Variants in TRAK1 observed in about 807,000 individuals in gnomAD.
TRAK1 encodes the protein trafficking kinesin protein 1.
A neutral mutation model predicts 92.1 loss-of-function variants in TRAK1; 33 were observed. The observed-to-expected ratio is 0.36, with a 90% CI of 0.27 to 0.48. The LOEUF (loss-of-function observed/expected upper bound fraction) is 0.48. TRAK1 is among the 20% of genes least tolerant of loss of function. TRAK1 has a pLI of 0.99. For synonymous variants in TRAK1, 521 were observed against 517.3 expected (o/e 1.01, Z -0.10); for missense variants, 1,123 against 1,257.9 (o/e 0.89, Z 1.62).
chr3:42,037,427 A>G (rs1405357754), intron 1 of TRAK1, among the ~76,000 whole-genome samples: 1 of 152,152 alleles, frequency 6.6e-6, no homozygotes, highest in Admixed American at 6.6e-5. Context: ...GATGTTCAGG[A>G]CCTAGAGAGG....
intron 14 of TRAK1, chr3:42,218,479 C>T (rs1355987726): frequency 1.0e-6 from 1 of 984,736 alleles, no homozygotes; most frequent in Non-Finnish European, 1.2e-6. Flanking sequence ...CATCCCGGCA[C>T]TTCATCGTGC....
intron 1 of TRAK1, among the ~76,000 whole-genome samples, chr3:42,108,175 A>G (rs985041649): frequency 5.3e-5 from 8 of 152,046 alleles, no homozygotes; most frequent in Admixed American, 1.3e-4. Context: ...TGTGTCTACC[A>G]TGTCTCCTTG....
At chr3:42,109,574 G>A (rs888867695) in intron 1 of TRAK1, among the ~76,000 whole-genome samples, 61 of 152,300 alleles carry the variant, frequency 4.0e-4, no homozygotes, top group African/African-American at 1.4e-3. Context: ...ATCGCTTTGA[G>A]TGTGCAAAAT....
intron 14 of TRAK1, among the ~76,000 whole-genome samples, chr3:42,215,833 G>A (rs2149528774): frequency 6.6e-6 from 1 of 152,306 alleles, no homozygotes. Context: ...AGGCTTCCTT[G>A]GAAGCAGCTG....
In TRAK1 at chr3:42,202,376, G is replaced by T. The variant is rs73831717; in HGVS notation, c.1428-60G>T. On this transcript the variant is annotated intron_variant, in intron 12 of 15. Transcript: ENST00000327628. The surrounding 1 kb of genome is among the most constrained non-coding windows in gnomAD (Gnocchi z 6.1). ...TCCACCGCTGTGCATTGAGCAGTCGGGCCTCTGTGGCCTTGGAGCCCTGCT... is the reference window on the plus strand; with the variant it reads ...TCCACCGCTGTGCATTGAGCAGTCGTGCCTCTGTGGCCTTGGAGCCCTGCT... 1.3e-5 allele frequency: 18 copies of T among 1,435,086 alleles called. No homozygotes were observed. The highest frequency in any genetic ancestry group is 1.7e-5 in the Non-Finnish European group (18 of 1,087,420). 88.9% of individuals were successfully genotyped at this position (1,435,086 alleles called of 1,614,324 possible). A position where few individuals can be genotyped will look rare whatever the true frequency, so the allele number is the denominator to read the frequency against.
At chr3:42,098,692 C>T (rs1706296147) in intron 1 of TRAK1, among the ~76,000 whole-genome samples, 1 of 152,154 alleles carries the variant, frequency 6.6e-6, no homozygotes, top group Non-Finnish European at 1.5e-5. Flanking sequence ...CTGGTCCAGG[C>T]TCACTTCCTA....
chr3:42,063,734 T>G (rs192265271), intron 1 of TRAK1, among the ~76,000 whole-genome samples: 1 of 151,458 alleles, frequency 6.6e-6, no homozygotes, highest in Non-Finnish European at 1.5e-5. Context: ...AAAAAGCATA[T>G]GTGCCGGGGC....
intron 2 of TRAK1, among the ~76,000 whole-genome samples, chr3:42,143,865 G>T (rs1006888886): frequency 6.6e-6 from 1 of 152,170 alleles, no homozygotes; most frequent in Non-Finnish European, 1.5e-5. Flanking sequence ...CAGAGCTATG[G>T]ACAGATTACT....
intron 13 of TRAK1, chr3:42,203,436 T>C: frequency 4.1e-6 from 4 of 984,918 alleles, no homozygotes; most frequent in Non-Finnish European, 4.8e-6. Flanking sequence ...GCATCTCAGA[T>C]GATTAAACTC....
chr3:42,123,147 T>C (rs950119537), intron 1 of TRAK1, among the ~76,000 whole-genome samples: 2 of 152,184 alleles, frequency 1.3e-5, no homozygotes, highest in Non-Finnish European at 2.9e-5. Flanking sequence ...CTCAGTGGGC[T>C]CCTGCCCAAA....
chr3:42,068,566 G>T (rs942153773), intron 1 of TRAK1, among the ~76,000 whole-genome samples: 1 of 152,182 alleles, frequency 6.6e-6, no homozygotes, highest in Non-Finnish European at 1.5e-5. Flanking sequence ...GAGTTTTACC[G>T]TGTTCCAGGC....
chr3:42,060,713 C>T (rs1443510111), intron 1 of TRAK1, among the ~76,000 whole-genome samples: 2 of 151,222 alleles, frequency 1.3e-5, no homozygotes, highest in East Asian at 1.9e-4. Context: ...CTGCAACCTC[C>T]GCCTTCCTGG....
At chr3:42,144,942 A>G (rs1315427580) in intron 2 of TRAK1, among the ~76,000 whole-genome samples, 4 of 152,204 alleles carry the variant, frequency 2.6e-5, no homozygotes, top group African/African-American at 9.6e-5. Flanking sequence ...TCTAAATTTC[A>G]TAGAATGTCA....
intron 2 of TRAK1, among the ~76,000 whole-genome samples, chr3:42,166,671 T>G (rs2149324461): frequency 6.6e-6 from 1 of 152,394 alleles, no homozygotes; most frequent in Middle Eastern, 3.4e-3. Context: ...TCTTCTCTGC[T>G]TCTTAAATAA....
chr3:42,220,815 G>A (rs963603169), intron 15 of TRAK1, among the ~76,000 whole-genome samples: 4 of 152,198 alleles, frequency 2.6e-5, no homozygotes, highest in Non-Finnish European at 1.5e-5. Flanking sequence ...CTCACCAGAC[G>A]GGGATCATAA....
At chr3:42,015,458 G>C (rs2148873470) in intron 1 of TRAK1, among the ~76,000 whole-genome samples, 1 of 152,210 alleles carries the variant, frequency 6.6e-6, no homozygotes, top group African/African-American at 2.4e-5. Flanking sequence ...CTCCTTCTCT[G>C]TGGTCTTGGA....
At chr3:42,220,507 AG>A in intron 15 of TRAK1, 3 of 985,444 alleles carry the variant, frequency 3.0e-6, no homozygotes, top group Non-Finnish European at 3.6e-6. Context: ...AGGTCATGTG[AG>A]GAGGACGACG....
intron 1 of TRAK1, among the ~76,000 whole-genome samples, chr3:42,042,261 G>C (rs1702574177): frequency 2.6e-5 from 4 of 152,056 alleles, no homozygotes; most frequent in African/African-American, 9.7e-5. Context: ...TATCATGAAA[G>C]GGTGTTGAAT....
At chr3:42,158,121 A>T (rs1403545041) in intron 2 of TRAK1, among the ~76,000 whole-genome samples, 1 of 152,220 alleles carries the variant, frequency 6.6e-6, no homozygotes, top group African/African-American at 2.4e-5. Flanking sequence ...TAATATATAG[A>T]GTCTTGGACA....
Sources: allele counts gnomAD v4.1 joint callset (sites outside exome capture counted in the v4.1 genomes callset), GRCh38; gene constraint gnomAD v4.1.1; non-coding constraint Gnocchi (gnomAD v3.1); transcripts MANE v1.5; gene names NCBI Gene and HGNC (gene_info 2026-07-23, HGNC 2026-07-21).